Variants in ATG10 observed in about 807,000 individuals in gnomAD.
ATG10 encodes the protein ubiquitin-like-conjugating enzyme ATG10.
Under a neutral mutation model 32.1 loss-of-function variants are expected in ATG10, and 30 were observed. The observed-to-expected ratio is 0.94, with a 90% CI of 0.70 to 1.27. The LOEUF is 1.27. Ranked by LOEUF, ATG10 falls within the 50% of genes most tolerant of loss-of-function variation. The probability of loss-of-function intolerance (pLI) is 0.00; values close to 1 mark genes in which losing one functional copy is unlikely to be tolerated. For synonymous variants in ATG10, 87 were observed against 91.5 expected (o/e 0.95, Z 0.28); for missense variants, 233 against 262.3 (o/e 0.89, Z 0.77).
rs976125783 is a variant in ATG10 at position 82,189,668 on chromosome 5, G to A, written c.453+11081G>A. 3.3e-5 allele frequency among the ~76,000 whole-genome samples: 5 copies of A among 152,172 alleles called. No homozygotes were observed. In the East Asian group the frequency reaches 7.7e-4, roughly 23 times the overall value. On this transcript the variant is annotated intron_variant, in intron 5 of 7. Transcript: ENST00000282185. Reference sequence around the variant, plus strand: ...AGATAGGGTCTCACTCTGTTGTGGAGACTGGAGTGCAGTGGCACAATCTCG... The same window carrying A: ...AGATAGGGTCTCACTCTGTTGTGGAAACTGGAGTGCAGTGGCACAATCTCG...
At chr5:82,177,788 T>C (rs113488217) in intron 4 of ATG10, among the ~76,000 whole-genome samples, 4 of 152,258 alleles carry the variant, frequency 2.6e-5, no homozygotes, top group African/African-American at 9.6e-5. Flanking sequence ...TCAATAAAGC[T>C]TTTACTGCCC....
At chr5:82,241,265 T>C (rs1746791291) in intron 5 of ATG10, among the ~76,000 whole-genome samples, 1 of 152,236 alleles carries the variant, frequency 6.6e-6, no homozygotes, top group African/African-American at 2.4e-5. Context: ...CGCACACTAC[T>C]GTTGCCTTTT....
intron 3 of ATG10, among the ~76,000 whole-genome samples, chr5:82,075,093 A>T (rs1278841450): frequency 6.6e-6 from 1 of 152,050 alleles, no homozygotes; most frequent in Non-Finnish European, 1.5e-5. Context: ...TCTGTTTCTG[A>T]GTTGGAAGAG....
intron 5 of ATG10, among the ~76,000 whole-genome samples, chr5:82,193,900 T>C (rs1744756890): frequency 6.6e-6 from 1 of 152,216 alleles, no homozygotes; most frequent in South Asian, 2.1e-4. Flanking sequence ...ATGACAGTTC[T>C]CCTTGGACTT....
At chr5:82,097,293 C>A (rs1442007827) in intron 3 of ATG10, among the ~76,000 whole-genome samples, 1 of 151,974 alleles carries the variant, frequency 6.6e-6, no homozygotes, top group East Asian at 1.9e-4. Context: ...CCAAATATTC[C>A]TGATAAAGAT....
chr5:82,147,048 C>T (rs1274735229), intron 3 of ATG10: 1 of 152,616 alleles, frequency 6.6e-6, no homozygotes, highest in Non-Finnish European at 1.5e-5. Flanking sequence ...TTACATTCTT[C>T]TGAAGAATAT....
chr5:82,205,837 A>AAAATTGAT (rs1488086491), intron 5 of ATG10, among the ~76,000 whole-genome samples: 2 of 152,252 alleles, frequency 1.3e-5, no homozygotes, highest in African/African-American at 4.8e-5. Flanking sequence ...AAATAGAGTC[A>AAAATTGAT]GCCAAATTTG....
intron 5 of ATG10, among the ~76,000 whole-genome samples, chr5:82,242,154 G>T (rs750530997): frequency 2.0e-5 from 3 of 151,960 alleles, no homozygotes; most frequent in Non-Finnish European, 2.9e-5. Context: ...TTTAAAAATG[G>T]ATAAAAATAT....
At chr5:82,128,123 T>C (rs979768318) in intron 3 of ATG10, among the ~76,000 whole-genome samples, 1 of 152,092 alleles carries the variant, frequency 6.6e-6, no homozygotes, top group Non-Finnish European at 1.5e-5. Flanking sequence ...TTTTGTTTTT[T>C]TGCCTTCCAT....
chr5:82,040,972 T>TA (rs1763067622), intron 2 of ATG10, among the ~76,000 whole-genome samples: 1 of 152,238 alleles, frequency 6.6e-6, no homozygotes. Flanking sequence ...CTTGCATTTT[T>TA]ACTTTATTTA....
At chr5:81,985,589 C>T (rs1403524405) in intron 1 of ATG10, among the ~76,000 whole-genome samples, 1 of 152,174 alleles carries the variant, frequency 6.6e-6, no homozygotes, top group African/African-American at 2.4e-5. Context: ...CTCTGTCTTA[C>T]TCAATGCACC....
chr5:82,011,412 C>G (rs1165390340), intron 2 of ATG10, among the ~76,000 whole-genome samples: 2 of 152,306 alleles, frequency 1.3e-5, no homozygotes, highest in East Asian at 3.9e-4. Context: ...TGTCTCTAAT[C>G]TTGCCCTCTG....
intron 3 of ATG10, among the ~76,000 whole-genome samples, chr5:82,101,938 A>T (rs762623317): frequency 5.3e-5 from 8 of 152,220 alleles, no homozygotes; most frequent in Non-Finnish European, 1.2e-4. Context: ...CACTTAGTAC[A>T]CAAGTCTTGT....
At chr5:82,193,565 C>A (rs1351288850) in intron 5 of ATG10, among the ~76,000 whole-genome samples, 1 of 152,120 alleles carries the variant, frequency 6.6e-6, no homozygotes, top group African/African-American at 2.4e-5. Flanking sequence ...ATATGGTAAT[C>A]CATGTAGAGG....
chr5:82,016,943 G>A (rs1294773794), intron 2 of ATG10, among the ~76,000 whole-genome samples: 1 of 152,078 alleles, frequency 6.6e-6, no homozygotes, highest in African/African-American at 2.4e-5. Flanking sequence ...GCGCACCTTA[G>A]CCTCCCACAG....
At chr5:82,166,454 G>A (rs768986103) in intron 4 of ATG10, among the ~76,000 whole-genome samples, 1 of 152,160 alleles carries the variant, frequency 6.6e-6, no homozygotes, top group Non-Finnish European at 1.5e-5. Flanking sequence ...TTTTTGTGCA[G>A]CATACTGAAT....
intron 3 of ATG10, among the ~76,000 whole-genome samples, chr5:82,119,412 G>A (rs977725085): frequency 6.6e-6 from 1 of 152,092 alleles, no homozygotes; most frequent in African/African-American, 2.4e-5. Context: ...ACTGGTGTGT[G>A]TGGTAGGATG....
intron 2 of ATG10, among the ~76,000 whole-genome samples, chr5:81,988,830 T>TTTTTG (rs1014452995): frequency 2.6e-5 from 4 of 152,152 alleles, no homozygotes; most frequent in African/African-American, 9.7e-5. Flanking sequence ...AAAAACTGTT[T>TTTTTG]TTTTGTTTTG....
chr5:82,175,130 A>G (rs760545712), intron 4 of ATG10, among the ~76,000 whole-genome samples: 9 of 152,306 alleles, frequency 5.9e-5, no homozygotes, highest in Middle Eastern at 6.8e-3. Context: ...CTACTTTTCA[A>G]ACAAAGCTCT....
Sources: allele counts gnomAD v4.1 joint callset (sites outside exome capture counted in the v4.1 genomes callset), GRCh38; gene constraint gnomAD v4.1.1; transcripts MANE v1.5; gene names NCBI Gene and HGNC (gene_info 2026-07-23, HGNC 2026-07-21).